The following CDC42BPB variants were observed in gnomAD, a reference collection of about 807,000 sequenced individuals.
CDC42BPB encodes CDC42 binding protein kinase beta.
Under a neutral mutation model 214.9 loss-of-function variants are expected in CDC42BPB, and 37 were observed. That is an observed-to-expected ratio of 0.17 (90% CI 0.13 to 0.23). The LOEUF (loss-of-function observed/expected upper bound fraction) is 0.23, where lower values mean the gene tolerates loss of function less well. Ranked by LOEUF, CDC42BPB falls within the 10% of genes least tolerant of loss-of-function variation. CDC42BPB has a pLI of 1.00. For missense variants in CDC42BPB, 1,694 were observed against 2,227.0 expected, an observed-to-expected ratio of 0.76 and a Z score of 4.82; for synonymous variants, 931 against 884.0, an observed-to-expected ratio of 1.05 and a Z score of -0.94.
chr14:102,945,580 T>C (rs1892124627), intron 29 of CDC42BPB, 82 bp downstream of exon 29: 5 of 1,269,702 alleles, frequency 3.9e-6, no homozygotes, highest in Middle Eastern at 2.2e-4. Context: ...TCTTAACCCT[T>C]AGGAGCTACT....
At chr14:102,954,347 C>A (rs1892623348) in intron 22 of CDC42BPB, 72 bp from the exon 23 acceptor site, 14 of 1,440,098 alleles carry the variant, frequency 9.7e-6, no homozygotes, top group Non-Finnish European at 1.2e-5. Context: ...CTACGGGGTG[C>A]ACTTCTCTCA....
rs140277309 is a variant in CDC42BPB at position 102,958,116 on chromosome 14, C to T, written c.2901+1515G>A. On this transcript the variant is annotated intron_variant, in intron 21 of 36. Transcript: ENST00000361246. The stretch of plus-strand genomic sequence containing the variant: ...TGCGATTCATGACCTCCAGATGGAT[C>T]CAGAACTAGGAGGAAAAGCCAGCAG... Among the ~76,000 whole-genome samples, 167 of 152,294 alleles carry T rather than the reference C, an allele frequency of 1.1e-3. 1 individual carries two copies. The highest frequency in any genetic ancestry group is 4.0e-3 in the African/African-American group (165 of 41,566).
chr14:103,016,932 T>C (rs1282944712), intron 1 of CDC42BPB, among the ~76,000 whole-genome samples: 1 of 152,128 alleles, frequency 6.6e-6, no homozygotes, highest in African/African-American at 2.4e-5. Context: ...GCTCCAGAGC[T>C]GGGTCAGGAA....
At chr14:102,958,846 T>A (rs1892827486) in intron 21 of CDC42BPB, among the ~76,000 whole-genome samples, 1 of 151,930 alleles carries the variant, frequency 6.6e-6, no homozygotes, top group Non-Finnish European at 1.5e-5. Context: ...GTGTGGGATT[T>A]TTTTTTTTAA....
Position 102,950,462 on chromosome 14 carries a change from C to T in CDC42BPB, c.3309+4G>A, listed in dbSNP as rs1054301120. ...GGGCTGAGGGCGGAGATGAAGCCGC[C>T]TACCTTGACATGGCCTTTGTAGGCT... On this transcript the variant is annotated splice_donor_region_variant and intron_variant, in intron 25 of 36. Transcript: ENST00000361246. 1.2e-5 allele frequency: 20 copies of T among 1,612,748 alleles called. No individual in the cohort carries two copies. The highest frequency in any genetic ancestry group is 1.7e-5 in the Non-Finnish European group (20 of 1,179,964).
rs552390696 is a variant in CDC42BPB at position 102,968,220 on chromosome 14, A to G, written c.2346+33T>C. On this transcript the variant is annotated intron_variant, in intron 16 of 36. Transcript: ENST00000361246. The stretch of plus-strand genomic sequence containing the variant: ...TTTTTTTAAATTACAACTTCCACAC[A>G]AAGTGCTAACTCAGGTACTTTGAAT... 41 of 1,509,676 alleles carry G rather than the reference A, an allele frequency of 2.7e-5. No homozygotes were observed. In the South Asian group the frequency reaches 3.8e-4, roughly 14 times the overall value. 93.5% of individuals were successfully genotyped at this position (1,509,676 alleles called of 1,614,324 possible). A position where few individuals can be genotyped will look rare whatever the true frequency, so the allele number is the denominator to read the frequency against.
intron 1 of CDC42BPB, among the ~76,000 whole-genome samples, chr14:103,016,285 G>A (rs1001599592): frequency 1.3e-5 from 2 of 152,226 alleles, no homozygotes; most frequent in East Asian, 1.9e-4. Flanking sequence ...CTGCCAGGAT[G>A]GTACTGCTAG....
At chr14:102,954,316 G>T in intron 22 of CDC42BPB, 41 bp from the exon 23 acceptor site, 1 of 1,467,862 alleles carries the variant, frequency 6.8e-7, no homozygotes, top group Non-Finnish European at 9.1e-7. Flanking sequence ...GCCCAGCTCA[G>T]CATGGCTGAG....
At position 102,972,003 on chromosome 14, in the gene CDC42BPB, G is replaced by T. The variant is rs759867170; in HGVS notation, c.1800C>A (p.Asp600Glu). The T allele has an allele frequency of 3.7e-6, 6 of 1,614,056 alleles. No individual in the cohort carries two copies. Among genetic ancestry groups the T allele is most frequent in the South Asian group, 2.2e-5 (2 of 91,088 alleles). Residue 600 changes from aspartate (D) to glutamate (E), a missense_variant, in exon 13 of 37, where the codon GAC becomes GAA. Asp to Glu is a conservative substitution (Grantham distance 45). Transcript: ENST00000361246. The stretch of plus-strand genomic sequence containing the variant: ...TGGCCACCTCCATCTCCTCCTCCTT[G>T]TCTCGCAGCTGCCGGGACACCTTCT... ...QKQKVSRQLR[D>E]KEEEMEVATQ...
chr14:103,009,333 C>T (rs912425091), intron 2 of CDC42BPB, among the ~76,000 whole-genome samples: 3 of 152,194 alleles, frequency 2.0e-5, no homozygotes, highest in Non-Finnish European at 4.4e-5. Context: ...ATTCTGCGTG[C>T]CAGAGACGGT....
chr14:103,020,882 TTTTC>T (rs1255888886), intron 1 of CDC42BPB, among the ~76,000 whole-genome samples: 1 of 152,210 alleles, frequency 6.6e-6, no homozygotes, highest in Non-Finnish European at 1.5e-5. Flanking sequence ...ACAAAATGTG[TTTTC>T]TTTGTTTCAC....
chr14:102,994,857 TGCAAAACCA>T (rs1003104544), intron 5 of CDC42BPB, among the ~76,000 whole-genome samples: 5 of 152,244 alleles, frequency 3.3e-5, no homozygotes, highest in African/African-American at 1.2e-4. Context: ...AACTTCCTGC[TGCAAAACCA>T]GCAGAGGTCT....
Position 102,940,452 on chromosome 14 carries a change from G to A in CDC42BPB, c.4409-128C>T, listed in dbSNP as rs36211132. The A allele has an allele frequency of 2.3e-3, 3,485 of 1,486,306 alleles. 94 individuals carry two copies. The East Asian group carries it at 0.064, about 27-fold the overall frequency. The allele number at this position is 1,486,306 out of a possible 1,614,324, so 92.1% of individuals were successfully genotyped here. A position where few individuals can be genotyped will look rare whatever the true frequency, so the allele number is the denominator to read the frequency against. ...GCAGCACTGCCCTCAGCTGGTTCAC[G>A]TCACCAAAGACTTCATGTTCCCACT... On this transcript the variant is annotated intron_variant, in intron 30 of 36. Coordinates refer to ENST00000361246, the MANE Select transcript of CDC42BPB (RefSeq NM_006035.4).
At position 102,964,591 on chromosome 14, in the gene CDC42BPB, C is replaced by T; in HGVS notation, c.2637G>A (p.Leu879=). The T allele has an allele frequency of 1.2e-6, 2 of 1,613,908 alleles. No individual in the cohort carries two copies. The highest frequency in any genetic ancestry group is 1.7e-6 in the Non-Finnish European group (2 of 1,180,006). The change falls in exon 19 of 37, where the codon CTG becomes CTA. Residue 879 remains leucine (L), a synonymous_variant. Transcript: ENST00000361246. The part of the protein sequence containing the change: ...QKLDMSARLE[L]QSALEAEIRA... ...GGATCTCCGCCTCCAGGGCCGACTG[C>T]AGCTCCAGCCGCGCGGACATGTCCA...
chr14:102,965,388 TA>T (rs765936398), intron 18 of CDC42BPB, among the ~76,000 whole-genome samples: 2,004 of 115,232 alleles, frequency 0.017, 18 homozygotes, highest in African/African-American at 0.033. Context: ...TACCTGTGAT[TA>T]AAAAAAAAAA....
At chr14:103,003,578 G>A (rs1303159851) in intron 4 of CDC42BPB, among the ~76,000 whole-genome samples, 2 of 152,224 alleles carry the variant, frequency 1.3e-5, no homozygotes, top group African/African-American at 4.8e-5. Context: ...AGCTGAGATG[G>A]AGGCAAAAAC....
intron 1 of CDC42BPB, among the ~76,000 whole-genome samples, chr14:103,038,787 C>T (rs1233408374): frequency 6.6e-6 from 1 of 151,290 alleles, no homozygotes; most frequent in Non-Finnish European, 1.5e-5. Flanking sequence ...GATTCGCCCA[C>T]CTCAGCCTCC....
rs750780302 is a variant in CDC42BPB at position 102,954,708 on chromosome 14, A to C, written c.2902-20T>G. On this transcript the variant is annotated intron_variant, in intron 21 of 36. Transcript: ENST00000361246. Reference sequence around the variant, plus strand: ...GCTGGTCTGTGAGAACCAAGAAAGAAAGAGTGGGGTGAAAGGACATATTCT... The same window carrying C: ...GCTGGTCTGTGAGAACCAAGAAAGACAGAGTGGGGTGAAAGGACATATTCT... 3.7e-6 allele frequency: 6 copies of C among 1,608,812 alleles called. No individual in the cohort carries two copies. The Admixed American group carries it at 1.0e-4, about 27-fold the overall frequency.
chr14:103,053,571 C>CTA (rs1427559550), intron 1 of CDC42BPB, among the ~76,000 whole-genome samples: 1 of 151,490 alleles, frequency 6.6e-6, no homozygotes, highest in African/African-American at 2.4e-5. Context: ...ACCATCCTGG[C>CTA]TAACACGGTG....
Sources: allele counts gnomAD v4.1 joint callset (sites outside exome capture counted in the v4.1 genomes callset), GRCh38; gene constraint gnomAD v4.1.1; transcripts MANE v1.5; gene names NCBI Gene and HGNC (gene_info 2026-07-23, HGNC 2026-07-21).